The following AFF3 variants were observed in gnomAD, a reference collection of about 807,000 sequenced individuals.
AFF3 encodes ALF transcription elongation factor 3.
A neutral mutation model predicts 129.7 loss-of-function variants in AFF3; 32 were observed. That is an observed-to-expected ratio of 0.25 (90% CI 0.19 to 0.33). AFF3 has a LOEUF of 0.33. Ranked by LOEUF, AFF3 falls within the 10% of genes least tolerant of loss-of-function variation. The pLI, the probability that AFF3 is intolerant of heterozygous loss-of-function variation, is 1.00. For missense variants in AFF3, 1,373 were observed against 1,592.0 expected (o/e 0.86, Z 2.34); for synonymous variants, 644 against 635.4 (o/e 1.01, Z -0.20).
At chr2:99,984,443 TC>T (rs1679681396) in intron 7 of AFF3, among the ~76,000 whole-genome samples, 1 of 152,100 alleles carries the variant, frequency 6.6e-6, no homozygotes, top group Non-Finnish European at 1.5e-5. Context: ...ATAAATATAG[TC>T]CCCTTCTGTG....
chr2:99,964,328 T>C (rs1298608473), intron 7 of AFF3, among the ~76,000 whole-genome samples: 1 of 152,158 alleles, frequency 6.6e-6, no homozygotes, highest in Non-Finnish European at 1.5e-5. Context: ...ATGGAACGAA[T>C]GTTCATCATG....
In AFF3 at chr2:99,550,638, A is replaced by C; in HGVS notation, c.*836T>G. ...CTGGTGGGCTTGTTATCACAGGTGC[A>C]GAAAACTTCAACTCCTAACTGAGCT... On this transcript the variant is annotated 3_prime_UTR_variant, in exon 25 of 25. Transcript: ENST00000672756. 4.3e-6 allele frequency: 1 copy of C among 232,902 alleles called. No homozygotes were observed. The highest frequency in any genetic ancestry group is 6.1e-5 in the East Asian group (1 of 16,528). 14.4% of individuals were successfully genotyped at this position (232,902 alleles called of 1,614,324 possible).
At chr2:99,917,027 C>CA (rs1695518186) in intron 7 of AFF3, among the ~76,000 whole-genome samples, 1 of 152,188 alleles carries the variant, frequency 6.6e-6, no homozygotes, top group Non-Finnish European at 1.5e-5. Context: ...ACAACAGACT[C>CA]AAACTTCCCT....
rs183881781 is a variant in AFF3, at chr2:99,552,258, C to T, written c.3560-663G>A. On this transcript the variant is annotated intron_variant, in intron 24 of 24. Transcript: ENST00000672756. ...AACAAACATTAGCCAGGTGTGGTGG[C>T]GCACACCTGTAATCCCAGCTACTCC... is the stretch of plus-strand genomic sequence containing the variant. Among the ~76,000 whole-genome samples the T allele has an allele frequency of 5.1e-3, 783 of 152,160 alleles. 3 individuals carry two copies. The highest frequency in any genetic ancestry group is 0.018 in the African/African-American group (735 of 41,508).
intron 8 of AFF3, among the ~76,000 whole-genome samples, chr2:99,809,867 G>C (rs1473402818): frequency 6.6e-6 from 1 of 152,134 alleles, no homozygotes; most frequent in Non-Finnish European, 1.5e-5. Context: ...ATTTTTATAA[G>C]AAATAGTTTT....
At chr2:99,830,201 A>G (rs1206975214) in intron 8 of AFF3, among the ~76,000 whole-genome samples, 1 of 152,188 alleles carries the variant, frequency 6.6e-6, no homozygotes, top group Non-Finnish European at 1.5e-5. Context: ...TGACCAGTTG[A>G]TTGGTGCAGC....
intron 8 of AFF3, among the ~76,000 whole-genome samples, chr2:99,777,947 C>CAAAAAAAAAAAAAAAAAAAAAAA (rs576434643): frequency 2.1e-5 from 1 of 48,340 alleles, no homozygotes; most frequent in Admixed American, 2.9e-4. Flanking sequence ...AAAGCAAAAG[C>CAAAAAAAAAAAAAAAAAAAAAAA]AAAAAAAAAA....
chr2:100,121,746 G>A (rs1204361921), intron 2 of AFF3, among the ~76,000 whole-genome samples: 1 of 152,212 alleles, frequency 6.6e-6, no homozygotes, highest in Non-Finnish European at 1.5e-5. Flanking sequence ...GGCAGATGGA[G>A]GAGGAGGTGT....
At chr2:99,590,236 G>C (rs988949997) in intron 15 of AFF3, among the ~76,000 whole-genome samples, 12 of 152,248 alleles carry the variant, frequency 7.9e-5, no homozygotes, top group Non-Finnish European at 1.3e-4. Flanking sequence ...GGCAAGGGCA[G>C]CAATAGTCCC....
At chr2:99,986,628 T>G (rs1033423141) in intron 7 of AFF3, among the ~76,000 whole-genome samples, 1 of 152,222 alleles carries the variant, frequency 6.6e-6, no homozygotes, top group African/African-American at 2.4e-5. Context: ...TGGTTCTAAG[T>G]GCATTTTAAA....
chr2:99,580,592 T>C (rs1677434600), intron 17 of AFF3, among the ~76,000 whole-genome samples: 1 of 152,082 alleles, frequency 6.6e-6, no homozygotes, highest in African/African-American at 2.4e-5. Flanking sequence ...CAGTCCAAAA[T>C]GTGAAAACCT....
intron 7 of AFF3, among the ~76,000 whole-genome samples, chr2:99,975,457 T>C (rs1678780134): frequency 6.6e-6 from 1 of 152,230 alleles, no homozygotes; most frequent in Non-Finnish European, 1.5e-5. Flanking sequence ...CAACATTCTA[T>C]GTATGGTCAT....
chr2:99,607,335 A>T (rs1680468613), intron 13 of AFF3, among the ~76,000 whole-genome samples: 1 of 152,134 alleles, frequency 6.6e-6, no homozygotes, highest in Admixed American at 6.5e-5. Flanking sequence ...GTTTGAGACC[A>T]GCCCGGCCAA....
intron 4 of AFF3, among the ~76,000 whole-genome samples, chr2:100,049,706 T>C (rs1251465114): frequency 6.6e-6 from 1 of 152,190 alleles, no homozygotes; most frequent in Non-Finnish European, 1.5e-5. Flanking sequence ...GTGATGAGTA[T>C]TCGCCCATCT....
chr2:99,708,478 G>T (rs1035023605), intron 11 of AFF3, among the ~76,000 whole-genome samples: 1 of 152,078 alleles, frequency 6.6e-6, no homozygotes, highest in African/African-American at 2.4e-5. Flanking sequence ...TTGCAAAATT[G>T]GTCCCCCAGG....
Position 99,565,467 on chromosome 2 carries a change from C to G in AFF3, c.3119+20G>C. Reference sequence around the variant, plus strand: ...ATTCCTCACTCCTCCCCTCATCCAGCAAGAAAACACGGTGCTTACCTGATG... The same window carrying G: ...ATTCCTCACTCCTCCCCTCATCCAGGAAGAAAACACGGTGCTTACCTGATG... On this transcript the variant is annotated intron_variant, in intron 20 of 24. Transcript: ENST00000672756. 6.2e-7 allele frequency: 1 copy of G among 1,608,594 alleles called. No homozygotes were observed. The highest frequency in any genetic ancestry group is 1.3e-5 in the African/African-American group (1 of 74,984).
At chr2:99,648,276 T>C (rs1477989368) in intron 13 of AFF3, among the ~76,000 whole-genome samples, 1 of 74,090 alleles carries the variant, frequency 1.3e-5, no homozygotes, top group East Asian at 4.6e-4. Context: ...AAAAGAAATC[T>C]TGTACTCATT....
chr2:99,995,370 C>T (rs544032141), intron 7 of AFF3, among the ~76,000 whole-genome samples: 162 of 151,466 alleles, frequency 1.1e-3, no homozygotes, highest in Non-Finnish European at 9.9e-4. Flanking sequence ...GATAACTTTT[C>T]ATCTATTCCT....
chr2:99,977,964 AAGG>A (rs1467960942), intron 7 of AFF3, among the ~76,000 whole-genome samples: 1 of 152,192 alleles, frequency 6.6e-6, no homozygotes, highest in Admixed American at 6.5e-5. Flanking sequence ...GTCCTGCTCT[AAGG>A]AGGAGAAGAG....
Sources: allele counts gnomAD v4.1 joint callset (sites outside exome capture counted in the v4.1 genomes callset), GRCh38; gene constraint gnomAD v4.1.1; transcripts MANE v1.5; gene names NCBI Gene and HGNC (gene_info 2026-07-23, HGNC 2026-07-21).